The following DCT variants were observed in gnomAD, a reference collection of about 807,000 sequenced individuals.
DCT encodes the protein dopachrome tautomerase.
DCT carries 47 observed loss-of-function variants against 53.0 expected under a neutral mutation model. The ratio of observed to expected loss-of-function variants is 0.89; its 90% CI spans 0.70 to 1.13. The LOEUF is 1.13. Among genes scored for constraint, DCT ranks in the 50% most tolerant of loss-of-function variants. The pLI, the probability that DCT is intolerant of heterozygous loss-of-function variation, is 0.00. For missense variants in DCT, 669 were observed against 637.4 expected (o/e 1.05, Z -0.53); for synonymous variants, 244 against 237.0 (o/e 1.03, Z -0.27).
chr13:94,503,839 T>C, the DCT span, among the ~76,000 whole-genome samples: 1 of 152,228 alleles, frequency 6.6e-6, no homozygotes, highest in African/African-American at 2.4e-5. Context: ...TACAGGTACA[T>C]ACCCATTATT....
intron 6 of DCT, among the ~76,000 whole-genome samples, chr13:94,444,764 C>T (rs1882610531): frequency 6.6e-6 from 1 of 152,208 alleles, no homozygotes; most frequent in South Asian, 2.1e-4. Context: ...AATACTTATT[C>T]AGTGTATTCA....
Position 94,439,859 on chromosome 13 carries a change from G to C in DCT, c.*39C>G, listed in dbSNP as rs765100941. Reference sequence around the variant, plus strand: ...CTTTATTGTCAGCGTCAGAACTGTGGCTTGGCCAGCCTCTTCTCTTAGGTA... The same window carrying C: ...CTTTATTGTCAGCGTCAGAACTGTGCCTTGGCCAGCCTCTTCTCTTAGGTA... On this transcript the variant is annotated 3_prime_UTR_variant, in exon 8 of 8. Transcript: ENST00000377028. 4.6e-6 allele frequency: 7 copies of C among 1,530,184 alleles called. No homozygotes were observed. The highest frequency in any genetic ancestry group is 6.2e-6 in the Non-Finnish European group (7 of 1,121,008). 94.8% of individuals were successfully genotyped at this position (1,530,184 alleles called of 1,614,324 possible).
At chr13:94,539,651 A>G in the DCT span, among the ~76,000 whole-genome samples, 1 of 152,358 alleles carries the variant, frequency 6.6e-6, no homozygotes, top group Admixed American at 6.5e-5. Context: ...CTATTCAAAT[A>G]GAGATATAAT....
the DCT span, among the ~76,000 whole-genome samples, chr13:94,506,892 G>A: frequency 1.3e-5 from 2 of 152,134 alleles, no homozygotes; most frequent in Middle Eastern, 3.2e-3. Context: ...TGCCAAAAAT[G>A]TTTAGCTTCA....
chr13:94,445,936 G>C (rs894312736), intron 6 of DCT, among the ~76,000 whole-genome samples: 1 of 152,178 alleles, frequency 6.6e-6, no homozygotes, highest in African/African-American at 2.4e-5. Flanking sequence ...GTGTTGGGGG[G>C]CTAGAGATGC....
At chr13:94,457,231 T>C (rs1422125781) in intron 6 of DCT, among the ~76,000 whole-genome samples, 1 of 152,176 alleles carries the variant, frequency 6.6e-6, no homozygotes, top group Non-Finnish European at 1.5e-5. Flanking sequence ...CCAAAATCTG[T>C]GTGTTGAAGC....
Position 94,466,755 on chromosome 13 carries a change from G to T in DCT, c.596-97C>A, listed in dbSNP as rs374587662. ...GTATCTATAGAGCCAATAAGTCCATGATGTTTTATAGTAGTAAGAAAAAAA... is the reference window on the plus strand; with the variant it reads ...GTATCTATAGAGCCAATAAGTCCATTATGTTTTATAGTAGTAAGAAAAAAA... On this transcript the variant is annotated intron_variant, in intron 2 of 7. Coordinates refer to ENST00000377028, the MANE Select transcript of DCT (RefSeq NM_001922.5). The T allele has an allele frequency of 2.0e-4, 133 of 663,526 alleles. 1 individual carries two copies. In the East Asian group the frequency reaches 2.8e-3, roughly 14 times the overall value. The allele number at this position is 663,526 out of a possible 1,614,324, so 41.1% of individuals were successfully genotyped here.
At chr13:94,539,348 G>C in the DCT span, among the ~76,000 whole-genome samples, 7 of 152,216 alleles carry the variant, frequency 4.6e-5, no homozygotes, top group Non-Finnish European at 1.0e-4. Flanking sequence ...TGAAAGGTAA[G>C]TAGGAATTAA....
the DCT span, among the ~76,000 whole-genome samples, chr13:94,507,878 CAA>C: frequency 6.6e-6 from 1 of 152,164 alleles, no homozygotes. Context: ...TTTATAGAGT[CAA>C]GAGTCTACAT....
the DCT span, among the ~76,000 whole-genome samples, chr13:94,525,932 C>T: frequency 3.3e-5 from 5 of 152,228 alleles, no homozygotes; most frequent in Non-Finnish European, 7.3e-5. Flanking sequence ...GCTGCATACA[C>T]GTGTTGCTTC....
chr13:94,481,368 G>A (rs889995901), upstream of DCT, among the ~76,000 whole-genome samples: 5 of 150,304 alleles, frequency 3.3e-5, no homozygotes, highest in South Asian at 2.1e-4. Flanking sequence ...TTCTAAAATC[G>A]CAAAATCTCA....
At chr13:94,499,491 C>T in the DCT span, among the ~76,000 whole-genome samples, 1 of 151,990 alleles carries the variant, frequency 6.6e-6, no homozygotes, top group Admixed American at 6.6e-5. Context: ...TGCGTTCTCT[C>T]CAAAGCACCA....
At chr13:94,464,494 G>T (rs1323352678) in intron 4 of DCT, among the ~76,000 whole-genome samples, 1 of 152,086 alleles carries the variant, frequency 6.6e-6, no homozygotes, top group Non-Finnish European at 1.5e-5. Context: ...ACAAAAATTA[G>T]CTGGGCGTGG....
the DCT span, among the ~76,000 whole-genome samples, chr13:94,519,868 C>A: frequency 6.6e-6 from 1 of 152,112 alleles, no homozygotes; most frequent in East Asian, 1.9e-4. Context: ...GTCCATTATT[C>A]TATTCAAACA....
In DCT at chr13:94,439,609, G is replaced by A. The variant is rs1301129977; in HGVS notation, c.*289C>T. 7 of 196,288 alleles carry A rather than the reference G, an allele frequency of 3.6e-5. No individual in the cohort carries two copies. The highest frequency in any genetic ancestry group is 7.1e-5 in the Non-Finnish European group (7 of 98,990). 12.2% of individuals were successfully genotyped at this position (196,288 alleles called of 1,614,324 possible). On this transcript the variant is annotated 3_prime_UTR_variant, in exon 8 of 8. Coordinates refer to ENST00000377028, the MANE Select transcript of DCT (RefSeq NM_001922.5). ...TTTTTAAATGCTTTCAGAAAAGGAG[G>A]AGGCTTAATCAATATTGGGGGGGGG...
chr13:94,491,579 A>C, the DCT span, among the ~76,000 whole-genome samples: 1 of 152,192 alleles, frequency 6.6e-6, no homozygotes, highest in Non-Finnish European at 1.5e-5. Context: ...TGGGCATCAA[A>C]ACTCAAATAC....
chr13:94,445,839 G>T, intron 6 of DCT: 1 of 1,029,858 alleles, frequency 9.7e-7, no homozygotes, highest in Non-Finnish European at 1.5e-6. Flanking sequence ...GGGACCCGCT[G>T]CCCCATGCAG....
chr13:94,535,792 A>G, the DCT span, among the ~76,000 whole-genome samples: 2 of 152,230 alleles, frequency 1.3e-5, no homozygotes, highest in Non-Finnish European at 2.9e-5. Context: ...AGCTATGGCC[A>G]GTACTGTGAT....
chr13:94,491,543 A>G, the DCT span, among the ~76,000 whole-genome samples: 9 of 152,048 alleles, frequency 5.9e-5, no homozygotes, highest in African/African-American at 9.7e-5. Context: ...ACAATTCAAC[A>G]GATAACAGAT....
Sources: gnomAD v4.1 joint callset for allele counts (sites outside exome capture counted in the v4.1 genomes callset) on GRCh38, gnomAD v4.1.1 for gene constraint, MANE v1.5 for transcripts, NCBI Gene and HGNC (gene_info 2026-07-23, HGNC 2026-07-21) for gene names.